Variants in MAP3K2 observed in about 807,000 individuals in gnomAD.
The protein encoded by MAP3K2 is mitogen-activated protein kinase kinase kinase 2, also known as MAP/ERK kinase kinase 2.
MAP3K2 carries 24 observed loss-of-function variants against 80.3 expected under a neutral mutation model. The ratio of observed to expected loss-of-function variants is 0.30; its 90% CI spans 0.22 to 0.42. The LOEUF is 0.42. Among genes scored for constraint, MAP3K2 ranks in the 10% least tolerant of loss-of-function variants. The pLI, the probability that MAP3K2 is intolerant of heterozygous loss-of-function variation, is 1.00. For synonymous variants in MAP3K2, 244 were observed against 253.7 expected (o/e 0.96, Z 0.36); for missense variants, 608 against 750.1 (o/e 0.81, Z 2.21).
intron 1 of MAP3K2, among the ~76,000 whole-genome samples, chr2:127,358,782 A>C (rs977870764): frequency 6.6e-6 from 1 of 152,144 alleles, no homozygotes; most frequent in African/African-American, 2.4e-5. Context: ...AAATACAAAA[A>C]TTAGCCGGGC....
intron 1 of MAP3K2, among the ~76,000 whole-genome samples, chr2:127,383,776 T>C (rs1281477213): frequency 6.6e-6 from 1 of 152,164 alleles, no homozygotes; most frequent in Non-Finnish European, 1.5e-5. Context: ...GAGCAACACA[T>C]TGAGATGCTA....
intron 1 of MAP3K2, among the ~76,000 whole-genome samples, chr2:127,359,039 G>A (rs72846001): frequency 0.034 from 5,157 of 152,236 alleles, 125 homozygotes; most frequent in Middle Eastern, 0.071. Flanking sequence ...TCAGGAGGAG[G>A]GGAGCAGGGA....
rs762579708 is a variant in MAP3K2 at position 127,322,206 on chromosome 2, T to A, written c.885A>T (p.Leu295Phe). 4 of 1,613,860 alleles carry A rather than the reference T, an allele frequency of 2.5e-6. No homozygotes were observed. In the East Asian group the frequency reaches 8.9e-5, roughly 36 times the overall value. Reference protein sequence around the residue: ...PRARRTQGTSLRSPVSFSPTD... With the variant: ...PRARRTQGTSFRSPVSFSPTD... ...TAGGACTGAAACTCACAGGAGACCG[T>A]AAGCTGGTCCCCTGGGTCCTTCTAG... The change falls in exon 12 of 17, where the codon TTA becomes TTT. Residue 295 changes from leucine (L) to phenylalanine (F), a missense_variant. Leu to Phe is a conservative substitution (Grantham distance 22, BLOSUM62 0). Transcript: ENST00000682094. The surrounding 1 kb of genome is among the most constrained non-coding windows in gnomAD (Gnocchi z 4.2).
At chr2:127,338,239 A>G (rs764630741) in intron 3 of MAP3K2, among the ~76,000 whole-genome samples, 2 of 152,218 alleles carry the variant, frequency 1.3e-5, no homozygotes, top group Non-Finnish European at 2.9e-5. Flanking sequence ...GAGAACAGTT[A>G]CCACATTAAA....
In MAP3K2 at chr2:127,321,911, T is replaced by C. The variant is rs1686028121; in HGVS notation, c.1045+135A>G. On this transcript the variant is annotated intron_variant, in intron 12 of 16. Coordinates refer to ENST00000682094, the MANE Select transcript of MAP3K2 (RefSeq NM_001371910.2). This position sits in a 1 kb window ranked among gnomAD's most constrained non-coding sequence, Gnocchi z 4.4. Reference sequence around the variant, plus strand: ...TTATACCTGACATTCCAACCACCTTTAGAAACACCATTATTACCTTTTTTG... The same window carrying C: ...TTATACCTGACATTCCAACCACCTTCAGAAACACCATTATTACCTTTTTTG... 1 of 713,576 alleles carries C rather than the reference T, an allele frequency of 1.4e-6. No homozygotes were observed. Among genetic ancestry groups the C allele is most frequent in the Admixed American group, 2.5e-5 (1 of 40,622 alleles). 44.2% of individuals were successfully genotyped at this position (713,576 alleles called of 1,614,324 possible).
intron 1 of MAP3K2, among the ~76,000 whole-genome samples, chr2:127,357,416 A>T (rs1319988292): frequency 6.6e-6 from 1 of 152,216 alleles, no homozygotes; most frequent in East Asian, 1.9e-4. Flanking sequence ...TGAGCCCAGG[A>T]GTTCGAGGCT....
intron 1 of MAP3K2, among the ~76,000 whole-genome samples, chr2:127,359,368 C>CA (rs1029799069): frequency 2.0e-5 from 3 of 151,830 alleles, no homozygotes; most frequent in Non-Finnish European, 4.4e-5. Flanking sequence ...TAAAACTGCT[C>CA]AAAAAAATAA....
intron 5 of MAP3K2, among the ~76,000 whole-genome samples, chr2:127,333,544 C>A (rs1686304270): frequency 6.6e-6 from 1 of 152,122 alleles, no homozygotes; most frequent in Non-Finnish European, 1.5e-5. Flanking sequence ...TTCTTTAGTA[C>A]CCCCAGTGTC....
chr2:127,315,949 G>A (rs1378542500), intron 14 of MAP3K2, among the ~76,000 whole-genome samples: 1 of 152,074 alleles, frequency 6.6e-6, no homozygotes, highest in Non-Finnish European at 1.5e-5. Context: ...GGTGGCAGGT[G>A]CCTGTAACCT....
At chr2:127,326,943 A>G (rs1410568797) in intron 7 of MAP3K2, 126 bp from the exon 8 acceptor site, 4 of 548,036 alleles carry the variant, frequency 7.3e-6, no homozygotes, top group Non-Finnish European at 1.2e-5. Context: ...TTTTTATTAA[A>G]ACTTATCAGA....
At chr2:127,346,924 G>T (rs1686605515) in intron 1 of MAP3K2, among the ~76,000 whole-genome samples, 1 of 152,108 alleles carries the variant, frequency 6.6e-6, no homozygotes, top group African/African-American at 2.4e-5. Context: ...GGAGGCAGAG[G>T]TTGGCAGTGA....
chr2:127,382,202 T>C (rs541076869), intron 1 of MAP3K2, among the ~76,000 whole-genome samples: 1 of 152,328 alleles, frequency 6.6e-6, no homozygotes, highest in African/African-American at 2.4e-5. Context: ...GTATCGCACC[T>C]AAGAAAAGTA....
chr2:127,324,321 T>C, intron 9 of MAP3K2, 80 bp from the exon 10 acceptor site: 1 of 796,296 alleles, frequency 1.3e-6, no homozygotes, highest in South Asian at 1.8e-5. Context: ...AATATCTATA[T>C]CTATCTGTGC....
chr2:127,341,225 G>A lies in MAP3K2; in HGVS notation c.4+1901C>T, dbSNP rs563537800. Among the ~76,000 whole-genome samples, 48 of 152,000 alleles carry A rather than the reference G, an allele frequency of 3.2e-4. No individual in the cohort carries two copies. The South Asian group carries it at 3.7e-3, about 12-fold the overall frequency. ...AGGTTGGTCTCGATCTCCCGGCCTC[G>A]TGATCCGCCTGCCTCGACCTCCCAA... On this transcript the variant is annotated intron_variant, in intron 2 of 16. Transcript: ENST00000682094.
chr2:127,373,592 G>A (rs1196567689), intron 1 of MAP3K2, among the ~76,000 whole-genome samples: 1 of 152,168 alleles, frequency 6.6e-6, no homozygotes, highest in East Asian at 1.9e-4. Flanking sequence ...AAGAAGTAGA[G>A]CAATTTATCT....
At chr2:127,330,976 C>T (rs1407320468) in intron 5 of MAP3K2, among the ~76,000 whole-genome samples, 1 of 152,152 alleles carries the variant, frequency 6.6e-6, no homozygotes, top group Non-Finnish European at 1.5e-5. Context: ...GAGCACCTGC[C>T]ATGGAGGACA....
In MAP3K2 at chr2:127,317,654, G is replaced by C; in HGVS notation, c.1301C>G (p.Ser434Cys). 1.3e-6 allele frequency: 2 copies of C among 1,580,988 alleles called. No homozygotes were observed. The highest frequency in any genetic ancestry group is 8.6e-7 in the Non-Finnish European group (1 of 1,161,946). ...CCCTGGCATATATTCCATAAATATG[G>C]AAAGTGTTTTTTCCTGGGGATCCCT... is the stretch of plus-strand genomic sequence containing the variant. ...CLRDPQEKTL[S>C]IFMEYMPGGS... The change falls in exon 14 of 17, where the codon TCC becomes TGC. Residue 434 changes from serine to cysteine, a missense_variant. Physicochemically the swap from Ser to Cys is moderately radical, Grantham distance 112. Transcript: ENST00000682094.
At chr2:127,386,455 C>T (rs1687348623) in intron 1 of MAP3K2, among the ~76,000 whole-genome samples, 1 of 152,210 alleles carries the variant, frequency 6.6e-6, no homozygotes, top group African/African-American at 2.4e-5. Flanking sequence ...TAAATTGCCA[C>T]ATAATCCAGC....
chr2:127,345,486 T>C (rs1325788565), intron 1 of MAP3K2, among the ~76,000 whole-genome samples: 5 of 152,346 alleles, frequency 3.3e-5, no homozygotes, highest in East Asian at 1.9e-4. Context: ...AGAAAATCAA[T>C]GAGGAAATAC....
Sources: allele counts gnomAD v4.1 joint callset (sites outside exome capture counted in the v4.1 genomes callset), GRCh38; gene constraint gnomAD v4.1.1; non-coding constraint Gnocchi (gnomAD v3.1); transcripts MANE v1.5; gene names NCBI Gene and HGNC (gene_info 2026-07-23, HGNC 2026-07-21).